The following PRLR variants were observed in gnomAD, a reference collection of about 807,000 sequenced individuals.
The protein encoded by PRLR is prolactin receptor.
Under a neutral mutation model 40.2 loss-of-function variants are expected in PRLR, and 13 were observed. The ratio of observed to expected loss-of-function variants is 0.32; its 90% CI spans 0.21 to 0.51. PRLR has a LOEUF of 0.51. PRLR is among the 20% of genes least tolerant of loss of function. The pLI is 0.97. For synonymous variants in PRLR, 269 were observed against 278.7 expected, an observed-to-expected ratio of 0.97 and a Z score of 0.35; for missense variants, 656 against 747.3, an observed-to-expected ratio of 0.88 and a Z score of 1.42.
chr5:35,167,512 A>G (rs1203881397), intron 1 of PRLR, among the ~76,000 whole-genome samples: 1 of 152,120 alleles, frequency 6.6e-6, no homozygotes, highest in Non-Finnish European at 1.5e-5. Context: ...TAGGAGTTCT[A>G]TAGGCCAAAA....
chr5:35,148,042 A>T (rs1270703749), intron 1 of PRLR, among the ~76,000 whole-genome samples: 3 of 152,150 alleles, frequency 2.0e-5, no homozygotes, highest in Non-Finnish European at 4.4e-5. Flanking sequence ...CATAGGTTTA[A>T]GTTTTATACT....
chr5:35,219,518 G>T (rs1776365889), intron 1 of PRLR, among the ~76,000 whole-genome samples: 1 of 152,122 alleles, frequency 6.6e-6, no homozygotes, highest in Non-Finnish European at 1.5e-5. Context: ...GATTATATTA[G>T]CACTTATATG....
intron 1 of PRLR, among the ~76,000 whole-genome samples, chr5:35,129,945 C>T (rs983953605): frequency 6.6e-6 from 1 of 152,096 alleles, no homozygotes; most frequent in African/African-American, 2.4e-5. Context: ...AGGTGACTTA[C>T]CCTGGGCATG....
At chr5:35,197,367 C>T (rs1014556317) in intron 1 of PRLR, among the ~76,000 whole-genome samples, 1 of 152,184 alleles carries the variant, frequency 6.6e-6, no homozygotes, top group African/African-American at 2.4e-5. Context: ...TAATCAACTA[C>T]AGGTTCAACC....
chr5:35,178,517 T>C, intron 1 of PRLR, among the ~76,000 whole-genome samples: 1 of 152,336 alleles, frequency 6.6e-6, no homozygotes, highest in South Asian at 2.1e-4. Flanking sequence ...AGGGAAGAGA[T>C]GGTTGGGTTA....
chr5:35,141,199 A>T (rs1209680963), intron 1 of PRLR, among the ~76,000 whole-genome samples: 11 of 151,788 alleles, frequency 7.2e-5, no homozygotes, highest in African/African-American at 2.7e-4. Context: ...CTATTTCATC[A>T]TTCATGTATT....
At chr5:35,148,730 C>A (rs915936491) in intron 1 of PRLR, among the ~76,000 whole-genome samples, 1 of 152,060 alleles carries the variant, frequency 6.6e-6, no homozygotes, top group Non-Finnish European at 1.5e-5. Flanking sequence ...TCTTTGAAGC[C>A]ATTTATAATA....
chr5:35,210,608 T>C (rs1393647539), intron 1 of PRLR, among the ~76,000 whole-genome samples: 1 of 152,238 alleles, frequency 6.6e-6, no homozygotes, highest in African/African-American at 2.4e-5. Flanking sequence ...TAGCTCATTA[T>C]GCTAAATTAT....
intron 6 of PRLR, 113 bp from the exon 7 acceptor site, chr5:35,070,378 C>T: frequency 5.3e-6 from 6 of 1,124,402 alleles, no homozygotes; most frequent in Non-Finnish European, 7.7e-6. Flanking sequence ...CAGAGAATTC[C>T]CTGCTGTCAC....
chr5:35,086,460 G>T (rs1770855207), intron 3 of PRLR, 120 bp from the exon 4 acceptor site: 1 of 1,240,142 alleles, frequency 8.1e-7, no homozygotes, highest in South Asian at 1.4e-5. Flanking sequence ...AGGCTGAGGA[G>T]ACCTAGGGTG....
intron 1 of PRLR, among the ~76,000 whole-genome samples, chr5:35,224,353 T>C (rs1362329549): frequency 6.6e-6 from 1 of 152,192 alleles, no homozygotes; most frequent in East Asian, 1.9e-4. Flanking sequence ...GGCCAGTGAA[T>C]AAAACCAGCT....
At chr5:35,129,980 G>A (rs1435313059) in intron 1 of PRLR, among the ~76,000 whole-genome samples, 1 of 152,170 alleles carries the variant, frequency 6.6e-6, no homozygotes, top group Non-Finnish European at 1.5e-5. Context: ...AAGTTTGAAT[G>A]CTTGCTTCCG....
intron 1 of PRLR, among the ~76,000 whole-genome samples, chr5:35,142,116 A>G (rs1427197886): frequency 6.6e-6 from 1 of 152,228 alleles, no homozygotes; most frequent in African/African-American, 2.4e-5. Flanking sequence ...ACCTTCGGCA[A>G]ATCTCTTCAG....
chr5:35,082,701 C>T (rs1247284647), intron 5 of PRLR, among the ~76,000 whole-genome samples: 1 of 152,188 alleles, frequency 6.6e-6, no homozygotes, highest in Non-Finnish European at 1.5e-5. Context: ...TCAATGTTGT[C>T]ATTCTGTACT....
intron 1 of PRLR, among the ~76,000 whole-genome samples, chr5:35,153,307 G>A (rs1205163567): frequency 6.6e-6 from 1 of 152,188 alleles, no homozygotes; most frequent in Non-Finnish European, 1.5e-5. Context: ...GATTCTAGGT[G>A]AAGTCTTTAC....
At chr5:35,207,939 G>A (rs2111630182) in intron 1 of PRLR, among the ~76,000 whole-genome samples, 1 of 152,130 alleles carries the variant, frequency 6.6e-6, no homozygotes, top group Middle Eastern at 3.4e-3. Flanking sequence ...TGTGGTGTTG[G>A]CCCAAGAATT....
intron 1 of PRLR, among the ~76,000 whole-genome samples, chr5:35,215,013 C>T (rs1395937367): frequency 2.0e-5 from 3 of 151,982 alleles, no homozygotes; most frequent in African/African-American, 4.8e-5. Flanking sequence ...GACCTTAACC[C>T]CCTACCTATT....
rs1211412137 is a variant in PRLR at position 35,228,262 on chromosome 5, A to G, written c.-106+2006T>C. Among the ~76,000 whole-genome samples, 9 of 140,996 alleles carry G rather than the reference A, an allele frequency of 6.4e-5. 1 individual carries two copies. The South Asian group carries it at 2.0e-3, about 32-fold the overall frequency. The allele number at this position is 140,996 out of a possible 152,430, so 92.5% of individuals were successfully genotyped here. A position where few individuals can be genotyped will look rare whatever the true frequency, so the allele number is the denominator to read the frequency against. Reference sequence around the variant, plus strand: ...AAAAAAAAAAAAAAAAAGCAGCATTATTTTCATTGTGCTGACAGGAAAAGT... The same window carrying G: ...AAAAAAAAAAAAAAAAAGCAGCATTGTTTTCATTGTGCTGACAGGAAAAGT... On this transcript the variant is annotated intron_variant, in intron 1 of 9. Transcript: ENST00000618457.
At chr5:35,076,655 G>C (rs962491836) in intron 5 of PRLR, among the ~76,000 whole-genome samples, 1 of 152,192 alleles carries the variant, frequency 6.6e-6, no homozygotes, top group African/African-American at 2.4e-5. Context: ...CTCCAACCTA[G>C]AAAGGCAAGC....
Sources: gnomAD v4.1 joint callset for allele counts (sites outside exome capture counted in the v4.1 genomes callset) on GRCh38, gnomAD v4.1.1 for gene constraint, MANE v1.5 for transcripts, NCBI Gene and HGNC (gene_info 2026-07-23, HGNC 2026-07-21) for gene names.